The following CSAD variants were observed in gnomAD, a reference collection of about 807,000 sequenced individuals.
CSAD encodes P-selectin cytoplasmic tail-associated protein.
A neutral mutation model predicts 61.5 loss-of-function variants in CSAD; 47 were observed. The ratio of observed to expected loss-of-function variants is 0.76; its 90% CI spans 0.60 to 0.97. The LOEUF is 0.97. CSAD is among the 50% of genes least tolerant of loss of function. CSAD has a pLI of 0.00. For synonymous variants in CSAD, 245 were observed against 252.7 expected (o/e 0.97, Z 0.29); for missense variants, 611 against 643.6 (o/e 0.95, Z 0.55).
intron 2 of CSAD, chr12:53,177,993 AT>A (rs1941235569): frequency 5.6e-6 from 1 of 178,314 alleles, no homozygotes; most frequent in Non-Finnish European, 1.2e-5. Context: ...TAACTTCACT[AT>A]TAATGACATG....
rs1323947149 is a variant in CSAD, at chr12:53,158,405, G to C, written c.*106C>G. On this transcript the variant is annotated 3_prime_UTR_variant, in exon 17 of 17. Coordinates refer to ENST00000444623, the MANE Select transcript of CSAD (RefSeq NM_001244705.2). The stretch of plus-strand genomic sequence containing the variant: ...CCCGCCTCGGCCTCCCAAAGTGCTG[G>C]GATTACAGGCGTGAGCCACTGCACC... 2 of 1,213,944 alleles carry C rather than the reference G, an allele frequency of 1.6e-6. No individual in the cohort carries two copies. Among genetic ancestry groups the C allele is most frequent in the Non-Finnish European group, 2.3e-6 (2 of 862,234 alleles). 75.2% of individuals were successfully genotyped at this position (1,213,944 alleles called of 1,614,324 possible).
At chr12:53,181,290 A>G, upstream of CSAD, 1 of 985,394 alleles carries the variant, frequency 1.0e-6, no homozygotes, top group Non-Finnish European at 1.2e-6. Context: ...CCCGCCACCG[A>G]AGCACCCAGC....
At chr12:53,164,099 T>C (rs1939608962) in intron 10 of CSAD, among the ~76,000 whole-genome samples, 1 of 152,202 alleles carries the variant, frequency 6.6e-6, no homozygotes. Flanking sequence ...CACCCTCAAA[T>C]TAATTCATAT....
At chr12:53,180,592 C>T in intron 1 of CSAD, 140 bp downstream of exon 1, 1 of 1,285,270 alleles carries the variant, frequency 7.8e-7, no homozygotes, top group Non-Finnish European at 1.0e-6. Context: ...CGTGCGTCCC[C>T]AAGCTCACCC....
intron 8 of CSAD, chr12:53,170,988 T>G: frequency 2.2e-6 from 1 of 460,818 alleles, no homozygotes; most frequent in South Asian, 1.7e-5. Flanking sequence ...CTCAAAGTGC[T>G]GGGATTACAG....
At chr12:53,180,661 G>C in intron 1 of CSAD, 71 bp downstream of exon 1, 2 of 1,281,968 alleles carry the variant, frequency 1.6e-6, no homozygotes, top group Middle Eastern at 2.1e-4. Flanking sequence ...GCAGCCGCTC[G>C]GCGGAGAGGA....
In CSAD at chr12:53,173,143, G is replaced by A. The variant is rs185341598; in HGVS notation, c.126+202C>T. ...GAGCTGCTTGAGCCCGGGAGACGGAGGTTGCAGTGAGCCAAGATTGTGCCA... is the reference window on the plus strand; with the variant it reads ...GAGCTGCTTGAGCCCGGGAGACGGAAGTTGCAGTGAGCCAAGATTGTGCCA... On this transcript the variant is annotated intron_variant, in intron 4 of 16. Transcript: ENST00000444623. 1.3e-3 allele frequency: 661 copies of A among 520,584 alleles called. 2 individuals are homozygous for A. Among genetic ancestry groups the A allele is most frequent in the Admixed American group, 2.1e-3 (63 of 29,574 alleles). The allele number at this position is 520,584 out of a possible 1,614,324, so 32.2% of individuals were successfully genotyped here.
At chr12:53,171,151 A>G in intron 8 of CSAD, 175 bp downstream of exon 8, 3 of 907,052 alleles carry the variant, frequency 3.3e-6, no homozygotes, top group Non-Finnish European at 5.2e-6. Context: ...AACAGAAGGC[A>G]ATGTGAACAG....
In CSAD at chr12:53,160,303, C is replaced by T. The variant is rs765055493; in HGVS notation, c.983G>A (p.Cys328Tyr). 1 of 1,614,190 alleles carries T rather than the reference C, an allele frequency of 6.2e-7. No homozygotes were observed. The highest frequency in any genetic ancestry group is 1.1e-5 in the South Asian group (1 of 91,084). ...AAGGTAGCTGGCCTGGGACCCATGG[C>T]AGCGCTTGAGCAGGTTCTGTGTGGG... ...LQDTSNLLKRCHGSQASYLFQ... is the reference protein window; with the variant it reads ...LQDTSNLLKRYHGSQASYLFQ... Residue 328 changes from cysteine (C) to tyrosine (Y), a missense_variant, in exon 14 of 17, where the codon TGC (cysteine) becomes TAC (tyrosine). By Grantham distance (194) the Cys-to-Tyr change is radical. Transcript: ENST00000444623.
Position 53,180,900 on chromosome 12 carries a change from C to T in CSAD, c.-259G>A. ...CAGACGGCAGCGCTTCAGTAGCTCG[C>T]AAGCCGTGGGGTGCCGCGCGGGAAG... On this transcript the variant is annotated 5_prime_UTR_variant, in exon 1 of 17. Transcript: ENST00000444623. The T allele has an allele frequency of 8.9e-7, 1 of 1,126,916 alleles. No individual in the cohort carries two copies. The highest frequency in any genetic ancestry group is 1.1e-6 in the Non-Finnish European group (1 of 901,858). The allele number at this position is 1,126,916 out of a possible 1,614,324, so 69.8% of individuals were successfully genotyped here.
Position 53,180,599 on chromosome 12 carries a change from A to G in CSAD, c.-91+133T>C, listed in dbSNP as rs1186848991. ...CACCTCTCCGTGCGTCCCCAAGCTC[A>G]CCCGCTCTGAGGCTGCCCCCGCTAG... On this transcript the variant is annotated intron_variant, in intron 1 of 16. Transcript: ENST00000444623. 4 of 1,284,260 alleles carry G rather than the reference A, an allele frequency of 3.1e-6. No individual in the cohort carries two copies. In the Admixed American group the frequency reaches 9.3e-5, roughly 30 times the overall value. The allele number at this position is 1,284,260 out of a possible 1,614,324, so 79.6% of individuals were successfully genotyped here.
rs527946350 is a variant in CSAD at position 53,158,387 on chromosome 12, C to T, written c.*124G>A. 3.5e-5 allele frequency: 34 copies of T among 958,888 alleles called. No individual in the cohort carries two copies. The highest frequency in any genetic ancestry group is 6.7e-5 in the African/African-American group (4 of 60,010). The allele number at this position is 958,888 out of a possible 1,614,324, so 59.4% of individuals were successfully genotyped here. On this transcript the variant is annotated 3_prime_UTR_variant, in exon 17 of 17. Transcript: ENST00000444623. ...CTGACCTCAAGTGATCCACCCGCCT[C>T]GGCCTCCCAAAGTGCTGGGATTACA...
intron 13 of CSAD, 85 bp from the exon 14 acceptor site, chr12:53,160,404 G>T: frequency 2.2e-6 from 3 of 1,343,386 alleles, no homozygotes; most frequent in Non-Finnish European, 3.2e-6. Context: ...TCTTAGCTCA[G>T]GATACCCTCT....
chr12:53,165,332 C>A (rs1355712613), intron 10 of CSAD, among the ~76,000 whole-genome samples: 11 of 148,896 alleles, frequency 7.4e-5, no homozygotes, highest in African/African-American at 2.7e-4. Context: ...CAGAGCAAGA[C>A]CCTCTCTCAA....
chr12:53,180,667 G>C (rs1211565694), intron 1 of CSAD, 65 bp downstream of exon 1: 5 of 1,279,976 alleles, frequency 3.9e-6, no homozygotes, highest in Non-Finnish European at 5.1e-6. Context: ...GCTCGGCGGA[G>C]AGGACGAGGG....
At chr12:53,173,072 G>T (rs2121514117) in intron 4 of CSAD, among the ~76,000 whole-genome samples, 1 of 152,272 alleles carries the variant, frequency 6.6e-6, no homozygotes. Context: ...GCCGGGCGTG[G>T]TGGCACATGC....
intron 2 of CSAD, 102 bp from the exon 3 acceptor site, chr12:53,173,872 A>G: frequency 8.7e-7 from 1 of 1,151,814 alleles, no homozygotes; most frequent in Non-Finnish European, 1.3e-6. Flanking sequence ...CATCATCACT[A>G]TCTAACGCCA....
intron 10 of CSAD, among the ~76,000 whole-genome samples, chr12:53,163,275 G>C (rs1161437312): frequency 6.6e-6 from 1 of 152,082 alleles, no homozygotes; most frequent in Admixed American, 6.6e-5. Context: ...GGGAGTCTGA[G>C]GCAGGAGGAT....
At chr12:53,173,644 G>A in intron 3 of CSAD, 84 bp downstream of exon 3, 2 of 1,437,204 alleles carry the variant, frequency 1.4e-6, no homozygotes, top group Non-Finnish European at 1.9e-6. Flanking sequence ...AAAACCAGTG[G>A]GAACAGGTGG....
Sources: allele counts gnomAD v4.1 joint callset (sites outside exome capture counted in the v4.1 genomes callset), GRCh38; gene constraint gnomAD v4.1.1; transcripts MANE v1.5; gene names NCBI Gene and HGNC (gene_info 2026-07-23, HGNC 2026-07-21).